Variants in YTHDF3 observed in about 807,000 individuals in gnomAD.
The protein encoded by YTHDF3 is YTH N6-methyladenosine RNA binding protein F3.
Under a neutral mutation model 52.5 loss-of-function variants are expected in YTHDF3, and 9 were observed. The observed-to-expected ratio is 0.17, with a 90% confidence interval of 0.10 to 0.30. The LOEUF is 0.30. Among genes scored for constraint, YTHDF3 ranks in the 10% least tolerant of loss-of-function variants. The probability of loss-of-function intolerance (pLI) is 1.00; values close to 1 mark genes in which losing one functional copy is unlikely to be tolerated. For synonymous variants in YTHDF3, 274 were observed against 243.3 expected (o/e 1.13, Z -1.18); for missense variants, 534 against 715.0 (o/e 0.75, Z 2.89).
At chr8:63,209,352 CTGTT>C (rs1428515167) in intron 4 of YTHDF3, among the ~76,000 whole-genome samples, 1 of 151,998 alleles carries the variant, frequency 6.6e-6, no homozygotes, top group Non-Finnish European at 1.5e-5. Context: ...AGCTTTTAGT[CTGTT>C]TGACACCTCA....
intron 4 of YTHDF3, among the ~76,000 whole-genome samples, chr8:63,189,613 T>TC (rs1256751143): frequency 6.6e-6 from 1 of 152,216 alleles, no homozygotes; most frequent in East Asian, 1.9e-4. Flanking sequence ...GGGAAGTGCT[T>TC]CAACATTCCT....
Position 63,205,270 on chromosome 8 carries a change from G to C in YTHDF3, c.1735-4413G>C, listed in dbSNP as rs116044104. ...ACTTAGTCCTTCTCCGGGTGTATGG[G>C]ATCATGGCTATTTTTGTGTAATTCA... On this transcript the variant is annotated intron_variant, in intron 4 of 4. Coordinates refer to ENST00000539294, the MANE Select transcript of YTHDF3 (RefSeq NM_152758.6). Among the ~76,000 whole-genome samples the C allele has an allele frequency of 1.6e-3, 241 of 152,108 alleles. 1 individual carries two copies. The highest frequency in any genetic ancestry group is 4.9e-3 in the African/African-American group (203 of 41,484).
At chr8:63,203,158 G>A (rs917844530) in intron 4 of YTHDF3, among the ~76,000 whole-genome samples, 1 of 151,476 alleles carries the variant, frequency 6.6e-6, no homozygotes, top group Non-Finnish European at 1.5e-5. Flanking sequence ...CACGAGAATC[G>A]CTTGAACCTG....
chr8:63,195,350 G>C (rs1809166229), intron 4 of YTHDF3, among the ~76,000 whole-genome samples: 1 of 152,168 alleles, frequency 6.6e-6, no homozygotes. Context: ...TGTGTTGTTA[G>C]GAAGGATTCC....
intron 4 of YTHDF3, among the ~76,000 whole-genome samples, chr8:63,207,054 T>C (rs938068506): frequency 5.9e-5 from 9 of 152,196 alleles, no homozygotes; most frequent in African/African-American, 2.2e-4. Context: ...AATGTGTAAA[T>C]GTGTTAAGTT....
Position 63,209,274 on chromosome 8 carries a change from T to C in YTHDF3, c.1735-409T>C, listed in dbSNP as rs1585795102. On this transcript the variant is annotated intron_variant, in intron 4 of 4. Coordinates refer to ENST00000539294, the MANE Select transcript of YTHDF3 (RefSeq NM_152758.6). ...TTTTTTTATTAGTCTGAAATCTTCA[T>C]TGAATGCAATTGTACTGCAATTTAA... Among the ~76,000 whole-genome samples, 5 of 152,336 alleles carry C rather than the reference T, an allele frequency of 3.3e-5. No individual in the cohort carries two copies. The East Asian group carries it at 9.6e-4, about 29-fold the overall frequency.
chr8:63,181,447 A>G (rs138025893), intron 3 of YTHDF3, among the ~76,000 whole-genome samples: 1 of 152,190 alleles, frequency 6.6e-6, no homozygotes, highest in Admixed American at 6.5e-5. Flanking sequence ...TCTTCTGCCA[A>G]CTTTCTCCAT....
chr8:63,181,598 T>C (rs1221387228), intron 3 of YTHDF3, among the ~76,000 whole-genome samples: 1 of 152,246 alleles, frequency 6.6e-6, no homozygotes, highest in African/African-American at 2.4e-5. Context: ...AGAAAGTCTT[T>C]TCTGATTTTC....
At chr8:63,177,121 A>G (rs965767815) in intron 3 of YTHDF3, among the ~76,000 whole-genome samples, 16 of 152,348 alleles carry the variant, frequency 1.1e-4, no homozygotes, top group African/African-American at 3.8e-4. Flanking sequence ...CTAAAATTTT[A>G]ACCTAGATTT....
chr8:63,175,507 A>G (rs926790782), intron 3 of YTHDF3, 91 bp downstream of exon 3: 14 of 1,034,202 alleles, frequency 1.4e-5, no homozygotes, highest in South Asian at 2.8e-5. Flanking sequence ...GAGATTAACC[A>G]TAACATGGAT....
In YTHDF3 at chr8:63,168,791, G is replaced by A; in HGVS notation, c.-87G>A. 1 of 1,548,682 alleles carries A rather than the reference G, an allele frequency of 6.5e-7. No homozygotes were observed. Among genetic ancestry groups the A allele is most frequent in the Non-Finnish European group, 8.7e-7 (1 of 1,146,116 alleles). On this transcript the variant is annotated 5_prime_UTR_variant, in exon 1 of 5. Transcript: ENST00000539294. ...GCGGCGGCGGCTGGAACAATCACTCGGCCAAGGGCGACAGCCAACTGCTGT... is the reference window on the plus strand; with the variant it reads ...GCGGCGGCGGCTGGAACAATCACTCAGCCAAGGGCGACAGCCAACTGCTGT...
chr8:63,179,869 G>T (rs1338653703), intron 3 of YTHDF3, among the ~76,000 whole-genome samples: 5 of 140,700 alleles, frequency 3.6e-5, no homozygotes, highest in African/African-American at 1.3e-4. Flanking sequence ...ACCTCCCCCC[G>T]GATGGGGCGG....
Position 63,186,360 on chromosome 8 carries a change from C to T in YTHDF3, c.349C>T (p.Pro117Ser), listed in dbSNP as rs1304568727. The T allele has an allele frequency of 6.2e-7, 1 of 1,613,912 alleles. No homozygotes were observed. The highest frequency in any genetic ancestry group is 1.3e-5 in the African/African-American group (1 of 74,920). Residue 117 changes from proline (P) to serine (S), a missense_variant, in exon 4 of 5, where the codon CCA (proline) becomes TCA (serine). By Grantham distance (74) the Pro-to-Ser change is moderately conservative (BLOSUM62 -1). Around this residue, in one of 3 missense-constraint regions of YTHDF3, gnomAD observed 196 missense variants for 299.5 expected, o/e 0.65. Transcript: ENST00000539294. ...ACCTGGGGCATTAGGAAATACCCCTCCATTTCTTGGTCAACATGGATTTAA... is the reference window on the plus strand; with the variant it reads ...ACCTGGGGCATTAGGAAATACCCCTTCATTTCTTGGTCAACATGGATTTAA... Reference protein sequence around the residue: ...SQPGALGNTPPFLGQHGFNFF... With the variant: ...SQPGALGNTPSFLGQHGFNFF...
chr8:63,209,826 T>C lies in YTHDF3; in HGVS notation c.*120T>C. 1 of 1,009,828 alleles carries C rather than the reference T, an allele frequency of 9.9e-7. No homozygotes were observed. 62.6% of individuals were successfully genotyped at this position (1,009,828 alleles called of 1,614,324 possible). On this transcript the variant is annotated 3_prime_UTR_variant, in exon 5 of 5. Transcript: ENST00000539294. The stretch of plus-strand genomic sequence containing the variant: ...GCTTAAGGTGACATCTTTGAACACT[T>C]TAACACAAAGTTGACTCTTCTCGTA...
chr8:63,204,220 G>C (rs555582526), intron 4 of YTHDF3, among the ~76,000 whole-genome samples: 32 of 150,414 alleles, frequency 2.1e-4, no homozygotes, highest in African/African-American at 7.3e-4. Context: ...CTTTATTCTT[G>C]CTCTGTGATG....
chr8:63,185,201 C>G (rs1200146649), intron 3 of YTHDF3, among the ~76,000 whole-genome samples: 2 of 151,250 alleles, frequency 1.3e-5, no homozygotes, highest in Non-Finnish European at 2.9e-5. Flanking sequence ...GCGTAAGAAA[C>G]TTACTTCAAA....
At position 63,195,731 on chromosome 8, in the gene YTHDF3, C is replaced by CGTGTGTGT. The variant is rs61277098; in HGVS notation, c.1734+8012_1734+8019dup. Among the ~76,000 whole-genome samples the CGTGTGTGT allele has an allele frequency of 4.3e-3, 619 of 145,352 alleles. 1 individual carries two copies. Among genetic ancestry groups the CGTGTGTGT allele is most frequent in the African/African-American group, 7.4e-3 (288 of 39,174 alleles). On this transcript the variant is annotated intron_variant, in intron 4 of 4. Coordinates refer to ENST00000539294, the MANE Select transcript of YTHDF3 (RefSeq NM_152758.6). ...GCAACATAGTGAGACCATGTATTTA[C>CGTGTGTGT]GTGTGTGTGTGTGTGTGTGTGTGTG...
intron 3 of YTHDF3, 84 bp downstream of exon 3, chr8:63,175,500 A>G: frequency 9.1e-7 from 1 of 1,097,812 alleles, no homozygotes; most frequent in African/African-American, 1.6e-5. Context: ...ATTTAATGAG[A>G]TTAACCATAA....
At chr8:63,193,213 A>T (rs1809022646) in intron 4 of YTHDF3, among the ~76,000 whole-genome samples, 1 of 151,976 alleles carries the variant, frequency 6.6e-6, no homozygotes, top group Non-Finnish European at 1.5e-5. Context: ...CTCTGTCTCT[A>T]CTAAAAATAC....
Sources: allele counts gnomAD v4.1 joint callset (sites outside exome capture counted in the v4.1 genomes callset), GRCh38; gene constraint gnomAD v4.1.1; regional missense constraint gnomAD v4.1.1; transcripts MANE v1.5; gene names NCBI Gene and HGNC (gene_info 2026-07-23, HGNC 2026-07-21).